The following MSRB3 variants were observed in gnomAD, a reference collection of about 807,000 sequenced individuals.
The protein encoded by MSRB3 is methionine sulfoxide reductase B3.
A neutral mutation model predicts 21.0 loss-of-function variants in MSRB3; 13 were observed. That is an observed-to-expected ratio of 0.62 (90% CI 0.40 to 0.98). The LOEUF (loss-of-function observed/expected upper bound fraction) is 0.98, where lower values mean the gene tolerates loss of function less well. Among genes scored for constraint, MSRB3 ranks in the 50% least tolerant of loss-of-function variants. MSRB3 has a pLI of 0.00. For synonymous variants in MSRB3, 87 were observed against 88.6 expected (o/e 0.98, Z 0.10); for missense variants, 199 against 230.3 (o/e 0.86, Z 0.88).
intron 4 of MSRB3, among the ~76,000 whole-genome samples, chr12:65,334,009 G>A (rs1240943501): frequency 6.6e-6 from 1 of 152,174 alleles, no homozygotes. Context: ...GAAGGAAATA[G>A]GGATGTTAAT....
At chr12:65,422,831 GCTTT>G (rs1189375308) in intron 5 of MSRB3, among the ~76,000 whole-genome samples, 1 of 151,574 alleles carries the variant, frequency 6.6e-6, no homozygotes, top group African/African-American at 2.4e-5. Context: ...TAGTTTTCTT[GCTTT>G]CTTTTTTGAG....
At chr12:65,440,904 A>G (rs10784458) in intron 5 of MSRB3, among the ~76,000 whole-genome samples, 143,182 of 151,968 alleles carry the variant, frequency 0.94, 68,084 homozygotes, top group East Asian at 1. Context: ...AGTACTAAGG[A>G]GCTATATCTT....
intron 5 of MSRB3, among the ~76,000 whole-genome samples, chr12:65,369,230 A>C (rs1279529724): frequency 6.6e-6 from 1 of 152,160 alleles, no homozygotes; most frequent in East Asian, 1.9e-4. Context: ...ATAGCTCTGC[A>C]ATAAGCATTA....
At chr12:65,451,135 T>C (rs1000565936) in intron 5 of MSRB3, among the ~76,000 whole-genome samples, 18 of 152,234 alleles carry the variant, frequency 1.2e-4, no homozygotes, top group African/African-American at 4.1e-4. Flanking sequence ...GCGTGGTTTT[T>C]CGTGTCCATC....
In MSRB3 at chr12:65,396,428, C is replaced by T. The variant is rs1213416051; in HGVS notation, c.292+27402C>T. On this transcript the variant is annotated intron_variant, in intron 5 of 6. Coordinates refer to ENST00000308259, the MANE Select transcript of MSRB3 (RefSeq NM_001031679.3). The stretch of plus-strand genomic sequence containing the variant: ...TTTATGGGCTGGGTGCAGTGGCTCA[C>T]GCCAATAATCCCAGCACTTTGGGAG... Among the ~76,000 whole-genome samples the T allele has an allele frequency of 5.3e-5, 8 of 152,116 alleles. No homozygotes were observed. The East Asian group carries it at 9.6e-4, about 18-fold the overall frequency.
At chr12:65,365,073 T>C (rs1010459330) in intron 4 of MSRB3, among the ~76,000 whole-genome samples, 4 of 46,910 alleles carry the variant, frequency 8.5e-5, no homozygotes, top group Admixed American at 8.0e-4. Context: ...TGTTCTGACA[T>C]GATTTTTTTT....
At chr12:65,412,899 G>T (rs1326944584) in intron 5 of MSRB3, among the ~76,000 whole-genome samples, 1 of 152,170 alleles carries the variant, frequency 6.6e-6, no homozygotes, top group Non-Finnish European at 1.5e-5. Context: ...GAAGTGCCGA[G>T]TGAGGGGGGA....
intron 5 of MSRB3, among the ~76,000 whole-genome samples, chr12:65,451,435 T>C (rs1274829663): frequency 6.6e-6 from 1 of 152,184 alleles, no homozygotes; most frequent in Non-Finnish European, 1.5e-5. Context: ...TGGAAAATCC[T>C]GTGCATATCT....
intron 4 of MSRB3, among the ~76,000 whole-genome samples, chr12:65,342,228 C>CA (rs1417789240): frequency 6.6e-6 from 1 of 150,472 alleles, no homozygotes; most frequent in Non-Finnish European, 1.5e-5. Context: ...ACAGCAGTGG[C>CA]AAAAAAGCAA....
chr12:65,366,613 G>T (rs530229378), intron 4 of MSRB3, among the ~76,000 whole-genome samples: 1 of 152,098 alleles, frequency 6.6e-6, no homozygotes, highest in Admixed American at 6.6e-5. Context: ...TGTAGAATCC[G>T]CAGATCTTGA....
At chr12:65,381,323 T>C (rs1878928544) in intron 5 of MSRB3, among the ~76,000 whole-genome samples, 1 of 152,170 alleles carries the variant, frequency 6.6e-6, no homozygotes, top group African/African-American at 2.4e-5. Flanking sequence ...AATGAATCGA[T>C]GATCATGGTC....
chr12:65,325,761 T>C (rs1874983226), intron 2 of MSRB3, among the ~76,000 whole-genome samples: 1 of 152,146 alleles, frequency 6.6e-6, no homozygotes, highest in Admixed American at 6.5e-5. Flanking sequence ...ACTCTCTACA[T>C]TTAGGACCAT....
At chr12:65,318,865 A>G (rs909433585) in intron 2 of MSRB3, among the ~76,000 whole-genome samples, 4 of 152,192 alleles carry the variant, frequency 2.6e-5, no homozygotes, top group Non-Finnish European at 4.4e-5. Context: ...AAGAATACTA[A>G]TAAAATGACT....
At chr12:65,325,727 T>C (rs1474399661) in intron 2 of MSRB3, among the ~76,000 whole-genome samples, 2 of 152,208 alleles carry the variant, frequency 1.3e-5, no homozygotes, top group African/African-American at 2.4e-5. Flanking sequence ...AGCTTTCTTC[T>C]AGTAACTTCA....
At chr12:65,356,773 G>A (rs1401720145) in intron 4 of MSRB3, among the ~76,000 whole-genome samples, 1 of 151,854 alleles carries the variant, frequency 6.6e-6, no homozygotes, top group Non-Finnish European at 1.5e-5. Flanking sequence ...AAAGGTTAAT[G>A]TAATTCAGAT....
intron 5 of MSRB3, among the ~76,000 whole-genome samples, chr12:65,394,941 C>G (rs1879695493): frequency 6.6e-6 from 1 of 152,076 alleles, no homozygotes; most frequent in South Asian, 2.1e-4. Context: ...CATATGAAAA[C>G]CGACAGCTAA....
intron 5 of MSRB3, among the ~76,000 whole-genome samples, chr12:65,370,447 A>G (rs1048617071): frequency 6.6e-6 from 1 of 152,194 alleles, no homozygotes; most frequent in Non-Finnish European, 1.5e-5. Context: ...TCAAGTCAGA[A>G]ACTGGTTTTA....
chr12:65,347,332 ATTCTCTTTGAAGCAATTGTGAATGGGAG>A (rs1380670550), intron 4 of MSRB3, among the ~76,000 whole-genome samples: 1 of 152,070 alleles, frequency 6.6e-6, no homozygotes, highest in African/African-American at 2.4e-5. Context: ...TAGGTATTTT[ATTCTCTTTGAAGCAATTGTGAATGGGAG>A]TTCACTCATG....
chr12:65,405,423 A>G (rs1157746551), intron 5 of MSRB3, among the ~76,000 whole-genome samples: 2 of 146,256 alleles, frequency 1.4e-5, no homozygotes, highest in Non-Finnish European at 3.0e-5. Context: ...GTATTCTATC[A>G]TATATATATA....
Sources: gnomAD v4.1 joint callset for allele counts (sites outside exome capture counted in the v4.1 genomes callset) on GRCh38, gnomAD v4.1.1 for gene constraint, MANE v1.5 for transcripts, NCBI Gene and HGNC (gene_info 2026-07-23, HGNC 2026-07-21) for gene names.